ARHGAP27: variants seen among roughly 807,000 people sequenced by gnomAD.
ARHGAP27 encodes the protein Rho GTPase activating protein 27.
In ARHGAP27, 53 loss-of-function variants were observed where a neutral mutation model predicts 102.0. The ratio of observed to expected loss-of-function variants is 0.52; its 90% CI spans 0.42 to 0.65. The LOEUF (loss-of-function observed/expected upper bound fraction) is 0.65, where lower values mean the gene tolerates loss of function less well. ARHGAP27 is among the 30% of genes least tolerant of loss of function. The probability of loss-of-function intolerance (pLI) is 0.00; values close to 1 mark genes in which losing one functional copy is unlikely to be tolerated. For missense variants in ARHGAP27, 1,117 were observed against 1,256.2 expected (o/e 0.89, Z 1.68); for synonymous variants, 525 against 542.8 (o/e 0.97, Z 0.46).
chr17:45,395,972 C>A lies in ARHGAP27; in HGVS notation c.2386+11G>T, dbSNP rs371200722. On this transcript the variant is annotated intron_variant, in intron 18 of 19. Transcript: ENST00000685559. ...CCTACCCCATCCGCCCCACCTGCCC[C>A]AGGTGCTCACTGATGGCCGCAATGA... 1 of 1,605,144 alleles carries A rather than the reference C, an allele frequency of 6.2e-7. No homozygotes were observed. The highest frequency in any genetic ancestry group is 8.5e-7 in the Non-Finnish European group (1 of 1,174,878).
chr17:45,421,522 C>T (rs755723098), intron 4 of ARHGAP27, among the ~76,000 whole-genome samples: 3 of 151,922 alleles, frequency 2.0e-5, no homozygotes, highest in Non-Finnish European at 2.9e-5. Flanking sequence ...AATCAAGCAA[C>T]AAATAGATGT....
chr17:45,404,326 T>G lies in ARHGAP27; in HGVS notation c.1422A>C (p.Ala474=), dbSNP rs750124460. The G allele has an allele frequency of 1.9e-6, 3 of 1,613,978 alleles. No homozygotes were observed. The highest frequency in any genetic ancestry group is 2.7e-5 in the African/African-American group (2 of 74,924). ...CCCAGCTCCCAACCTCATCCAGCTC[T>G]GCTGGGACCTATGGGGGAAGACAGA... The part of the protein sequence containing the change: ...QASPPEEKVP[A]ELDEVGSWEE... The change falls in exon 9 of 20, where the codon GCA becomes GCC. Residue 474 remains alanine, a synonymous_variant. Coordinates refer to ENST00000685559, the MANE Select transcript of ARHGAP27 (RefSeq NM_001282290.2).
intron 4 of ARHGAP27, chr17:45,410,385 A>T (rs1262735290): frequency 4.4e-6 from 6 of 1,361,778 alleles, no homozygotes; most frequent in Non-Finnish European, 5.7e-6. Context: ...CAACAGGGAA[A>T]CAAGAAGTTG....
chr17:45,395,358 G>T lies in ARHGAP27; in HGVS notation c.*98C>A. 1 of 1,401,164 alleles carries T rather than the reference G, an allele frequency of 7.1e-7. No individual in the cohort carries two copies. The highest frequency in any genetic ancestry group is 9.5e-7 in the Non-Finnish European group (1 of 1,049,994). The allele number at this position is 1,401,164 out of a possible 1,614,324, so 86.8% of individuals were successfully genotyped here. A position where few individuals can be genotyped will look rare whatever the true frequency, so the allele number is the denominator to read the frequency against. ...CACACCGGCCTGCGGCTATGCGCTG[G>T]CGGAGGGTCCCAGAGAGAAGAAGGC... On this transcript the variant is annotated 3_prime_UTR_variant, in exon 20 of 20. Coordinates refer to ENST00000685559, the MANE Select transcript of ARHGAP27 (RefSeq NM_001282290.2).
At chr17:45,404,369 C>T (rs2046863544) in intron 8 of ARHGAP27, 35 bp from the exon 9 acceptor site, 1 of 1,613,666 alleles carries the variant, frequency 6.2e-7, no homozygotes, top group Admixed American at 1.7e-5. Flanking sequence ...CACCAAGTCC[C>T]TCCTCCCAGG....
chr17:45,421,127 G>C (rs968649331), intron 4 of ARHGAP27, among the ~76,000 whole-genome samples: 9 of 132,632 alleles, frequency 6.8e-5, no homozygotes, highest in Non-Finnish European at 1.4e-4. Flanking sequence ...AGATAAACTG[G>C]GGGGGACCCA....
chr17:45,425,595 CCCCGGGCTCCTT>C, intron 4 of ARHGAP27: 1 of 985,582 alleles, frequency 1.0e-6, no homozygotes, highest in Non-Finnish European at 1.2e-6. Context: ...GGAATGAGGG[CCCCGGGCTCCTT>C]CCAGTCGGGG....
chr17:45,426,408 C>T (rs1385736493), intron 4 of ARHGAP27, among the ~76,000 whole-genome samples: 1 of 152,108 alleles, frequency 6.6e-6, no homozygotes, highest in Non-Finnish European at 1.5e-5. Context: ...ACCAGCCCAC[C>T]CCAAGTGCTC....
In ARHGAP27 at chr17:45,430,467, G is replaced by C. The variant is rs1306479029; in HGVS notation, c.-18-170C>G. Among the ~76,000 whole-genome samples, 2 of 152,156 alleles carry C rather than the reference G, an allele frequency of 1.3e-5. No homozygotes were observed. Among genetic ancestry groups the C allele is most frequent in the Non-Finnish European group, 2.9e-5 (2 of 68,024 alleles). On this transcript the variant is annotated intron_variant, in intron 3 of 19. Coordinates refer to ENST00000685559, the MANE Select transcript of ARHGAP27 (RefSeq NM_001282290.2). This position sits in a 1 kb window ranked among gnomAD's most constrained non-coding sequence, Gnocchi z 4.4. The stretch of plus-strand genomic sequence containing the variant: ...GAACTTGCATAAAATCACATGTAAG[G>C]CTTCCATTCTTACACTCAGTGCTGG...
chr17:45,416,870 AT>A (rs1202148076), intron 4 of ARHGAP27, among the ~76,000 whole-genome samples: 1 of 147,176 alleles, frequency 6.8e-6, no homozygotes, highest in Non-Finnish European at 1.5e-5. Flanking sequence ...TAAAAATATT[AT>A]TGGCCGGGCG....
Position 45,430,436 on chromosome 17 carries a change from A to G in ARHGAP27, c.-18-139T>C. On this transcript the variant is annotated intron_variant, in intron 3 of 19. Coordinates refer to ENST00000685559, the MANE Select transcript of ARHGAP27 (RefSeq NM_001282290.2). This position sits in a 1 kb window ranked among gnomAD's most constrained non-coding sequence, Gnocchi z 4.4. Reference sequence around the variant, plus strand: ...TCGGGCCTCAGTTTTCCCATCTCTAAAATGGGAACTTGCATAAAATCACAT... The same window carrying G: ...TCGGGCCTCAGTTTTCCCATCTCTAGAATGGGAACTTGCATAAAATCACAT... The G allele has an allele frequency of 5.5e-6, 7 of 1,281,856 alleles. No homozygotes were observed. The highest frequency in any genetic ancestry group is 7.3e-6 in the Non-Finnish European group (7 of 960,428). The allele number at this position is 1,281,856 out of a possible 1,614,324, so 79.4% of individuals were successfully genotyped here. A position where few individuals can be genotyped will look rare whatever the true frequency, so the allele number is the denominator to read the frequency against.
At chr17:45,413,951 C>T (rs2048176247) in intron 4 of ARHGAP27, among the ~76,000 whole-genome samples, 1 of 152,074 alleles carries the variant, frequency 6.6e-6, no homozygotes, top group Admixed American at 6.5e-5. Flanking sequence ...ACTAAAAATA[C>T]AAAAATTAGC....
At chr17:45,425,695 C>T (rs1300776225) in intron 4 of ARHGAP27, 23 of 965,396 alleles carry the variant, frequency 2.4e-5, no homozygotes, top group East Asian at 1.1e-4. Context: ...TCCCTCCCAG[C>T]GGCCAATGCC....
intron 13 of ARHGAP27, chr17:45,397,453 T>C (rs1219729107): frequency 1.2e-5 from 4 of 322,496 alleles, no homozygotes; most frequent in Non-Finnish European, 2.0e-5. Flanking sequence ...CTACCTCTAT[T>C]AATACAGCCA....
chr17:45,429,737 G>A lies in ARHGAP27; in HGVS notation c.543C>T (p.Cys181=). The A allele has an allele frequency of 6.5e-7, 1 of 1,540,660 alleles. No homozygotes were observed. Among genetic ancestry groups the A allele is most frequent in the Non-Finnish European group, 8.7e-7 (1 of 1,143,380 alleles). Residue 181 remains cysteine (C), a synonymous_variant, in exon 4 of 20, where the codon TGC becomes TGT. Transcript: ENST00000685559. Reference sequence around the variant, plus strand: ...GGCACACCCAGGAGCCCGCCACGCTGCAGGCCTTGAAGCTGCCGCTGCTTC... The same window carrying A: ...GGCACACCCAGGAGCCCGCCACGCTACAGGCCTTGAAGCTGCCGCTGCTTC... ...LLGSSGSFKA[C]SVAGSWVCPR... is the part of the protein sequence containing the mutation.
intron 10 of ARHGAP27, 136 bp downstream of exon 10, chr17:45,403,893 A>G (rs1365441320): frequency 9.2e-6 from 10 of 1,083,534 alleles, no homozygotes; most frequent in Non-Finnish European, 1.2e-5. Flanking sequence ...TTTATCTCAC[A>G]GTGTCTCAGG....
rs975161487 is a variant in ARHGAP27, at chr17:45,394,601, C to G, written c.*855G>C. 2.0e-5 allele frequency: 3 copies of G among 152,282 alleles called. No homozygotes were observed. The highest frequency in any genetic ancestry group is 2.0e-4 in the Admixed American group (3 of 15,280). 9.4% of individuals were successfully genotyped at this position (152,282 alleles called of 1,614,324 possible). Reference sequence around the variant, plus strand: ...GGCCCAAAGGTTGGATGGGTGGTAGCTGAAAGAACTGATTTTCCCCCTACC... The same window carrying G: ...GGCCCAAAGGTTGGATGGGTGGTAGGTGAAAGAACTGATTTTCCCCCTACC... On this transcript the variant is annotated 3_prime_UTR_variant, in exon 20 of 20. Transcript: ENST00000685559.
intron 16 of ARHGAP27, 46 bp from the exon 17 acceptor site, chr17:45,396,330 G>C (rs367713495): frequency 7.7e-6 from 12 of 1,563,312 alleles, no homozygotes; most frequent in Non-Finnish European, 9.5e-6. Flanking sequence ...GATGGGGATA[G>C]GGTGGGGCTA....
At chr17:45,426,851 C>G (rs73307518) in intron 4 of ARHGAP27, among the ~76,000 whole-genome samples, 2 of 152,086 alleles carry the variant, frequency 1.3e-5, no homozygotes, top group Non-Finnish European at 2.9e-5. Context: ...ACCAGCTGAG[C>G]GTCTAGTGGT....
Sources: gnomAD v4.1 joint callset for allele counts (sites outside exome capture counted in the v4.1 genomes callset) on GRCh38, gnomAD v4.1.1 for gene constraint, Gnocchi (gnomAD v3.1) non-coding constraint, MANE v1.5 for transcripts, NCBI Gene and HGNC (gene_info 2026-07-23, HGNC 2026-07-21) for gene names.